PLEKHG1: variants seen among roughly 807,000 people sequenced by gnomAD.
PLEKHG1 encodes the protein pleckstrin homology and RhoGEF domain containing G1.
PLEKHG1 carries 44 observed loss-of-function variants against 100.8 expected under a neutral mutation model. The ratio of observed to expected loss-of-function variants is 0.44; its 90% CI spans 0.34 to 0.56. The LOEUF (loss-of-function observed/expected upper bound fraction) is 0.56, where lower values mean the gene tolerates loss of function less well. PLEKHG1 is among the 20% of genes least tolerant of loss of function. The probability of loss-of-function intolerance (pLI) is 0.01; values close to 1 mark genes in which losing one functional copy is unlikely to be tolerated. For missense variants in PLEKHG1, 1,545 were observed against 1,720.9 expected (o/e 0.90, Z 1.81); for synonymous variants, 640 against 662.5 (o/e 0.97, Z 0.52).
intron 4 of PLEKHG1, among the ~76,000 whole-genome samples, chr6:150,792,614 C>T (rs1269026503): frequency 6.6e-6 from 1 of 151,810 alleles, no homozygotes; most frequent in East Asian, 1.9e-4. Context: ...GCAAAGGCTG[C>T]AGTGAACCGA....
At chr6:150,809,224 C>T (rs375658388) in exon 8 of PLEKHG1, 8 of 1,614,078 alleles carry the variant, frequency 5.0e-6, no homozygotes, top group African/African-American at 2.7e-5. Context: ...TCTTCCTCTT[C>T]GACAAGCTGC....
At position 150,831,888 on chromosome 6, in the gene PLEKHG1, G is replaced by C. The variant is rs760640018; in HGVS notation, c.2777G>C (p.Gly926Ala). ...GAGGAAGACCTGATTTCTAAAGAAGGCTCCTTTATGAGCCTTAACCGGCTT... is the reference window on the plus strand; with the variant it reads ...GAGGAAGACCTGATTTCTAAAGAAGCCTCCTTTATGAGCCTTAACCGGCTT... Residue 926 changes from glycine to alanine, a missense_variant, in exon 15 of 16, where the codon GGC becomes GCC. Transcript: ENST00000358517. The surrounding 1 kb of genome is among the most constrained non-coding windows in gnomAD (Gnocchi z 4.1). The C allele has an allele frequency of 1.9e-6, 3 of 1,613,982 alleles. No homozygotes were observed. The highest frequency in any genetic ancestry group is 2.2e-5 in the South Asian group (2 of 91,076).
intron 2 of PLEKHG1, among the ~76,000 whole-genome samples, chr6:150,641,694 A>C (rs1385134701): frequency 6.6e-6 from 1 of 152,122 alleles, no homozygotes; most frequent in African/African-American, 2.4e-5. Context: ...GTAAGTGTAA[A>C]ACGTTTTATT....
At chr6:150,670,823 A>G (rs1779558255) in intron 3 of PLEKHG1, among the ~76,000 whole-genome samples, 1 of 152,074 alleles carries the variant, frequency 6.6e-6, no homozygotes, top group South Asian at 2.1e-4. Context: ...AGTGGTACCC[A>G]TCACCCATGA....
chr6:150,762,759 A>T (rs1308602093), intron 2 of PLEKHG1, among the ~76,000 whole-genome samples: 1 of 152,154 alleles, frequency 6.6e-6, no homozygotes, highest in African/African-American at 2.4e-5. Flanking sequence ...CTAGGTGTTC[A>T]CAGAGAAAGA....
At chr6:150,812,995 A>G (rs1478575264) in intron 10 of PLEKHG1, among the ~76,000 whole-genome samples, 1 of 152,090 alleles carries the variant, frequency 6.6e-6, no homozygotes, top group Non-Finnish European at 1.5e-5. Context: ...GTCTGAGGGA[A>G]AGTGGAAAGG....
rs762249282 is a variant in PLEKHG1, at chr6:150,831,575, A to G, written c.2464A>G (p.Met822Val). The G allele has an allele frequency of 4.3e-6, 7 of 1,614,190 alleles. No homozygotes were observed. In the South Asian group the frequency reaches 6.6e-5, roughly 15 times the overall value. ...TGACTCTCCCAGTGGTAACTTGTCT[A>G]TGCCTCATAAGCCTGTATCTGATAA... Residue 822 changes from methionine to valine, a missense_variant, in exon 15 of 16, where the codon ATG becomes GTG. Transcript: ENST00000358517. This position sits in a 1 kb window ranked among gnomAD's most constrained non-coding sequence, Gnocchi z 4.1.
intron 3 of PLEKHG1, among the ~76,000 whole-genome samples, chr6:150,712,747 T>G (rs1279160165): frequency 2.0e-5 from 3 of 152,192 alleles, no homozygotes; most frequent in Non-Finnish European, 2.9e-5. Flanking sequence ...GCTGTCAGCT[T>G]GGATACCAAG....
intron 1 of PLEKHG1, among the ~76,000 whole-genome samples, chr6:150,627,240 A>C (rs975329936): frequency 2.0e-5 from 3 of 152,230 alleles, no homozygotes; most frequent in Non-Finnish European, 4.4e-5. Flanking sequence ...AGAGATGTCA[A>C]GTTTTTAATC....
At chr6:150,810,527 A>AAAGAAAGAAAGAAAGAAAAGG (rs1562540240) in intron 10 of PLEKHG1, among the ~76,000 whole-genome samples, 1 of 88,056 alleles carries the variant, frequency 1.1e-5, no homozygotes, top group African/African-American at 3.6e-5. Context: ...AGAAAGAAAG[A>AAAGAAAGAAAGAAAGAAAAGG]AAGAAAGAAA....
At chr6:150,669,611 T>C (rs1779517712) in intron 3 of PLEKHG1, among the ~76,000 whole-genome samples, 1 of 144,784 alleles carries the variant, frequency 6.9e-6, no homozygotes, top group Non-Finnish European at 1.5e-5. Flanking sequence ...TTTTTTTTTT[T>C]TGAGATGGGA....
intron 2 of PLEKHG1, among the ~76,000 whole-genome samples, chr6:150,758,043 G>T (rs534883465): frequency 1.3e-5 from 2 of 152,268 alleles, no homozygotes; most frequent in East Asian, 3.9e-4. Flanking sequence ...GTGTTCCATG[G>T]TGTATACGTA....
rs1353350504 is a variant in PLEKHG1 at position 150,600,631 on chromosome 6, T to G, written c.-204+614T>G. Among the ~76,000 whole-genome samples, 1 of 152,158 alleles carries G rather than the reference T, an allele frequency of 6.6e-6. No homozygotes were observed. The highest frequency in any genetic ancestry group is 1.9e-4 in the East Asian group (1 of 5,178). On this transcript the variant is annotated intron_variant, in intron 1 of 3. Transcript: ENST00000367326. This position sits in a 1 kb window ranked among gnomAD's most constrained non-coding sequence, Gnocchi z 6.2. ...GGGTGGGGAGTCAAGAGCCTGTGGC[T>G]CTTCCGTCACGGGGTAAACGGTAAC...
chr6:150,623,592 C>T (rs913947163), intron 1 of PLEKHG1, among the ~76,000 whole-genome samples: 9 of 152,224 alleles, frequency 5.9e-5, no homozygotes, highest in Non-Finnish European at 1.5e-5. Context: ...ATCCAGTGTT[C>T]AGCCCTTGCG....
At chr6:150,657,183 G>A (rs1342652344) in intron 3 of PLEKHG1, among the ~76,000 whole-genome samples, 1 of 151,982 alleles carries the variant, frequency 6.6e-6, no homozygotes, top group African/African-American at 2.4e-5. Context: ...AAGGAGAAGT[G>A]GCATAAAATT....
intron 3 of PLEKHG1, among the ~76,000 whole-genome samples, chr6:150,677,482 G>C (rs1444698423): frequency 6.6e-6 from 1 of 152,128 alleles, no homozygotes; most frequent in Non-Finnish European, 1.5e-5. Flanking sequence ...TGTTCTTCCA[G>C]ACTCAATTCA....
chr6:150,822,302 T>C (rs1776353077), intron 13 of PLEKHG1, among the ~76,000 whole-genome samples: 1 of 152,072 alleles, frequency 6.6e-6, no homozygotes, highest in Non-Finnish European at 1.5e-5. Context: ...ACTATGAACG[T>C]GGCCAAAACA....
intron 2 of PLEKHG1, 37 bp from the exon 4 acceptor site, chr6:150,768,601 A>G (rs758594330): frequency 9.4e-7 from 1 of 1,065,492 alleles, no homozygotes; most frequent in Non-Finnish European, 1.5e-6. Flanking sequence ...TGGAAAGGAC[A>G]GGAGTGTTTA....
chr6:150,654,411 C>T lies in PLEKHG1; in HGVS notation c.-99+3625C>T, dbSNP rs575846167. 5.9e-5 allele frequency among the ~76,000 whole-genome samples: 9 copies of T among 152,288 alleles called. No individual in the cohort carries two copies. In the South Asian group the frequency reaches 6.2e-4, roughly 11 times the overall value. On this transcript the variant is annotated intron_variant, in intron 3 of 3. Coordinates refer to the PLEKHG1 transcript ENST00000367326. ...GCCTTGTGGCCCTACTATGCGGCAGCGCTCTTCCCTGGAGGGTAGGCATCA... is the reference window on the plus strand; with the variant it reads ...GCCTTGTGGCCCTACTATGCGGCAGTGCTCTTCCCTGGAGGGTAGGCATCA...
Sources: gnomAD v4.1 joint callset for allele counts (sites outside exome capture counted in the v4.1 genomes callset) on GRCh38, gnomAD v4.1.1 for gene constraint, Gnocchi (gnomAD v3.1) non-coding constraint, MANE v1.5 for transcripts, NCBI Gene and HGNC (gene_info 2026-07-23, HGNC 2026-07-21) for gene names.